DACH2: variants seen among roughly 807,000 people sequenced by gnomAD.
DACH2 encodes the protein dachshund family transcription factor 2.
In DACH2, 17 loss-of-function variants were observed where a neutral mutation model predicts 35.8. The ratio of observed to expected loss-of-function variants is 0.48; its 90% confidence interval spans 0.33 to 0.71. DACH2 has a LOEUF of 0.71. DACH2 is among the 30% of genes least tolerant of loss of function. The pLI is 0.02. For synonymous variants in DACH2, 195 were observed against 177.3 expected, an observed-to-expected ratio of 1.10 and a Z score of -0.79; for missense variants, 469 against 472.7, an observed-to-expected ratio of 0.99 and a Z score of 0.07.
intron 1 of DACH2, among the ~76,000 whole-genome samples, chrX:86,174,479 A>G (rs1002166729): frequency 2.7e-5 from 3 of 110,583 alleles, no homozygotes; most frequent in Non-Finnish European, 5.7e-5. Context: ...CTCAGATACT[A>G]TGGTTGATGA....
chrX:86,492,419 G>A, intron 2 of DACH2, among the ~76,000 whole-genome samples: 1 of 111,700 alleles, frequency 9.0e-6, no homozygotes. Flanking sequence ...GATAGAACAA[G>A]TAAAAATACT....
At chrX:86,645,912 T>A (rs989571148) in intron 3 of DACH2, among the ~76,000 whole-genome samples, 7 of 109,905 alleles carry the variant, frequency 6.4e-5, no homozygotes, top group Non-Finnish European at 1.1e-4. Context: ...GGGGAGAGGG[T>A]GGTGGAGGAT....
At chrX:86,345,514 G>A in intron 1 of DACH2, 1 of 211,464 alleles carries the variant, frequency 4.7e-6, no homozygotes, top group Non-Finnish European at 8.9e-6. Flanking sequence ...AAGGAAAGAA[G>A]CAAAAATGAA....
At chrX:86,181,203 T>C (rs1460597671) in intron 1 of DACH2, among the ~76,000 whole-genome samples, 1 of 110,677 alleles carries the variant, frequency 9.0e-6, no homozygotes, top group Non-Finnish European at 1.9e-5. Context: ...TTTCAAATTA[T>C]ACTTTAAGTT....
chrX:86,741,398 G>A (rs1302109286), intron 7 of DACH2, among the ~76,000 whole-genome samples: 1 of 111,656 alleles, frequency 9.0e-6, no homozygotes, highest in Non-Finnish European at 1.9e-5. Context: ...CAAGCTCAGA[G>A]TTTGATTCAC....
chrX:86,175,017 G>A (rs1373946313), intron 1 of DACH2, among the ~76,000 whole-genome samples: 2 of 111,576 alleles, frequency 1.8e-5, no homozygotes, highest in East Asian at 2.8e-4. Flanking sequence ...TGTAGAGTAG[G>A]CATTAGATAT....
intron 1 of DACH2, among the ~76,000 whole-genome samples, chrX:86,314,992 G>A (rs1279536733): frequency 1.8e-5 from 2 of 112,460 alleles, no homozygotes; most frequent in East Asian, 5.6e-4. Context: ...TTAAACAACA[G>A]ATTTTCAATG....
intron 3 of DACH2, among the ~76,000 whole-genome samples, chrX:86,551,998 T>C (rs1370156436): frequency 1.8e-5 from 2 of 111,863 alleles, no homozygotes; most frequent in Non-Finnish European, 3.8e-5. Context: ...ATGCCCTATC[T>C]AGTTTAGTGT....
At chrX:86,611,596 T>C (rs751396423) in intron 3 of DACH2, among the ~76,000 whole-genome samples, 56 of 111,657 alleles carry the variant, frequency 5.0e-4, no homozygotes, top group African/African-American at 1.2e-3. Flanking sequence ...ATCTGACTGA[T>C]GGGAAGGGAG....
intron 2 of DACH2, among the ~76,000 whole-genome samples, chrX:86,399,836 G>A (rs2036386540): frequency 9.0e-6 from 1 of 111,221 alleles, no homozygotes; most frequent in Non-Finnish European, 1.9e-5. Context: ...TTTCAACTTT[G>A]GTGAATCTGA....
At chrX:86,344,095 C>T (rs2035458062) in intron 1 of DACH2, among the ~76,000 whole-genome samples, 1 of 110,490 alleles carries the variant, frequency 9.1e-6, no homozygotes, top group Admixed American at 9.7e-5. Context: ...AGAATAAATT[C>T]TTGAGGGGAT....
intron 2 of DACH2, among the ~76,000 whole-genome samples, chrX:86,467,754 G>T (rs1243499300): frequency 8.9e-6 from 1 of 111,786 alleles, no homozygotes; most frequent in Non-Finnish European, 1.9e-5. Flanking sequence ...CAGGGCTGGG[G>T]AGGCCTCAGG....
At chrX:86,452,904 A>T (rs2037405815) in intron 2 of DACH2, among the ~76,000 whole-genome samples, 1 of 110,273 alleles carries the variant, frequency 9.1e-6, no homozygotes, top group Non-Finnish European at 1.9e-5. Flanking sequence ...TTTAGTTGTG[A>T]TGTTAGGTTG....
intron 2 of DACH2, among the ~76,000 whole-genome samples, chrX:86,416,627 G>A (rs2036707425): frequency 9.0e-6 from 1 of 111,448 alleles, no homozygotes; most frequent in African/African-American, 3.3e-5. Context: ...TGAGAAAAGG[G>A]ATTTATTTGG....
At chrX:86,638,346 G>T (rs1398363247) in intron 3 of DACH2, among the ~76,000 whole-genome samples, 1 of 112,019 alleles carries the variant, frequency 8.9e-6, no homozygotes, top group Non-Finnish European at 1.9e-5. Context: ...CTGGACATTT[G>T]TCTAAGCAAT....
intron 3 of DACH2, among the ~76,000 whole-genome samples, chrX:86,544,464 C>A (rs1348120179): frequency 9.0e-6 from 1 of 111,486 alleles, no homozygotes; most frequent in Non-Finnish European, 1.9e-5. Flanking sequence ...ACCTTACAAG[C>A]CAAAAGAGAT....
intron 3 of DACH2, among the ~76,000 whole-genome samples, chrX:86,608,818 C>T (rs992278267): frequency 5.4e-5 from 6 of 111,670 alleles, no homozygotes; most frequent in African/African-American, 2.0e-4. Flanking sequence ...GTAAGGTTTC[C>T]ACTAAAAATT....
At chrX:86,329,342 T>A (rs2035171141) in intron 1 of DACH2, among the ~76,000 whole-genome samples, 1 of 111,294 alleles carries the variant, frequency 9.0e-6, no homozygotes, top group Admixed American at 9.6e-5. Context: ...GACTTGTCTG[T>A]TGATGGCCAG....
intron 2 of DACH2, among the ~76,000 whole-genome samples, chrX:86,491,813 A>G (rs1025455432): frequency 8.9e-6 from 1 of 111,748 alleles, no homozygotes; most frequent in Admixed American, 9.6e-5. Context: ...CTGCTGGGTG[A>G]CCTTTAACTG....
Sources: allele counts gnomAD v4.1 joint callset (sites outside exome capture counted in the v4.1 genomes callset), GRCh38; gene constraint gnomAD v4.1.1; transcripts MANE v1.5; gene names NCBI Gene and HGNC (gene_info 2026-07-23, HGNC 2026-07-21).